RAB3C: variants seen among roughly 807,000 people sequenced by gnomAD.
RAB3C encodes the protein RAB3C, member RAS oncogene family.
Under a neutral mutation model 26.4 loss-of-function variants are expected in RAB3C, and 17 were observed. The ratio of observed to expected loss-of-function variants is 0.64; its 90% CI spans 0.44 to 0.97. RAB3C has a LOEUF of 0.97. RAB3C is among the 50% of genes least tolerant of loss of function. The probability of loss-of-function intolerance (pLI) is 0.00; values close to 1 mark genes in which losing one functional copy is unlikely to be tolerated. For missense variants in RAB3C, 242 were observed against 281.9 expected (o/e 0.86, Z 1.01); for synonymous variants, 91 against 95.9 (o/e 0.95, Z 0.30).
At chr5:58,605,405 C>G (rs114831205) in intron 1 of RAB3C, among the ~76,000 whole-genome samples, 10,005 of 152,206 alleles carry the variant, frequency 0.066, 443 homozygotes, top group South Asian at 0.13. Context: ...ATGTGAGGAG[C>G]TTGGAAGTCA....
chr5:58,681,863 A>G (rs369696632), intron 2 of RAB3C, among the ~76,000 whole-genome samples: 3 of 152,228 alleles, frequency 2.0e-5, no homozygotes, highest in African/African-American at 7.2e-5. Context: ...GATTAGGAAA[A>G]TAAGTTAATG....
intron 3 of RAB3C, among the ~76,000 whole-genome samples, chr5:58,730,194 A>G (rs2111927732): frequency 6.6e-6 from 1 of 152,010 alleles, no homozygotes; most frequent in Non-Finnish European, 1.5e-5. Context: ...ATTTGTAGGG[A>G]AAGACTATCT....
intron 3 of RAB3C, among the ~76,000 whole-genome samples, chr5:58,772,137 C>T (rs940290970): frequency 2.6e-5 from 4 of 152,120 alleles, no homozygotes; most frequent in Non-Finnish European, 5.9e-5. Flanking sequence ...ATATGAAATG[C>T]ATGGGCTAAT....
Position 58,627,515 on chromosome 5 carries a change from A to AAAAAAAAAAAAAAAAAAAAAAAC in RAB3C, c.252+9649_252+9650insAAAAAAAAAAAAAAAAAACAAAA, listed in dbSNP as rs1325212744. On this transcript the variant is annotated intron_variant, in intron 2 of 4. Transcript: ENST00000282878. ...AAAAAAAAAAAAAAAAAAAAAAAAAAAAAACACAGCTTAAATTCGGTGCAA... is the reference window on the plus strand; with the variant it reads ...AAAAAAAAAAAAAAAAAAAAAAAAAAAAAAAAAAAAAAAAAAAAAAAACAAAACACAGCTTAAATTCGGTGCAA... 1.5e-4 allele frequency among the ~76,000 whole-genome samples: 9 copies of AAAAAAAAAAAAAAAAAAAAAAAC among 60,558 alleles called. 2 individuals carry two copies. Among genetic ancestry groups the AAAAAAAAAAAAAAAAAAAAAAAC allele is most frequent in the Non-Finnish European group, 2.6e-4 (8 of 30,326 alleles). The allele number at this position is 60,558 out of a possible 152,430, so 39.7% of individuals were successfully genotyped here. A position where few individuals can be genotyped will look rare whatever the true frequency, so the allele number is the denominator to read the frequency against.
chr5:58,772,696 T>C (rs1271629604), intron 3 of RAB3C, among the ~76,000 whole-genome samples: 1 of 152,232 alleles, frequency 6.6e-6, no homozygotes, highest in African/African-American at 2.4e-5. Flanking sequence ...GAATTCTAAA[T>C]TTCTAACTAT....
chr5:58,658,162 T>C (rs934265067), intron 2 of RAB3C, among the ~76,000 whole-genome samples: 1 of 152,226 alleles, frequency 6.6e-6, no homozygotes, highest in African/African-American at 2.4e-5. Context: ...TCGGGTCATT[T>C]AATCCTCCCA....
At chr5:58,740,548 G>T (rs1020164979) in intron 3 of RAB3C, among the ~76,000 whole-genome samples, 6 of 152,162 alleles carry the variant, frequency 3.9e-5, no homozygotes, top group Non-Finnish European at 8.8e-5. Flanking sequence ...TTGGCCAGGC[G>T]TGGTGGCTCA....
chr5:58,713,994 C>A (rs756400183), intron 2 of RAB3C, among the ~76,000 whole-genome samples: 3 of 152,108 alleles, frequency 2.0e-5, no homozygotes, highest in Non-Finnish European at 4.4e-5. Flanking sequence ...ATTCCCCCAG[C>A]AGCACATGTA....
chr5:58,775,184 C>G (rs898900362), intron 3 of RAB3C, among the ~76,000 whole-genome samples: 3 of 152,086 alleles, frequency 2.0e-5, no homozygotes, highest in African/African-American at 7.2e-5. Context: ...TTTCACTCAT[C>G]GCCTCCATAC....
At chr5:58,742,157 C>T (rs568939122) in intron 3 of RAB3C, among the ~76,000 whole-genome samples, 177 of 152,266 alleles carry the variant, frequency 1.2e-3, no homozygotes, top group African/African-American at 4.1e-3. Flanking sequence ...TCTCCCCTGG[C>T]CCTCTCAATA....
chr5:58,629,997 T>C (rs1388526404), intron 2 of RAB3C, among the ~76,000 whole-genome samples: 1 of 152,182 alleles, frequency 6.6e-6, no homozygotes, highest in African/African-American at 2.4e-5. Flanking sequence ...AGGTTGTGGG[T>C]CAAAGTTCTG....
intron 2 of RAB3C, among the ~76,000 whole-genome samples, chr5:58,678,455 T>C (rs1172841598): frequency 1.3e-5 from 2 of 152,166 alleles, no homozygotes; most frequent in African/African-American, 4.8e-5. Flanking sequence ...AGTGAAGCTA[T>C]TTCATGGGAC....
At chr5:58,656,052 T>C (rs564805989) in intron 2 of RAB3C, among the ~76,000 whole-genome samples, 2 of 152,128 alleles carry the variant, frequency 1.3e-5, no homozygotes, top group Non-Finnish European at 2.9e-5. Flanking sequence ...CCCAAAGTGC[T>C]GGGATTACAA....
intron 3 of RAB3C, among the ~76,000 whole-genome samples, chr5:58,819,020 GA>G: frequency 6.6e-6 from 1 of 152,198 alleles, no homozygotes; most frequent in East Asian, 1.9e-4. Flanking sequence ...ACTCTTTAAT[GA>G]AAAAAATCCA....
At chr5:58,676,904 C>G (rs1748242282) in intron 2 of RAB3C, among the ~76,000 whole-genome samples, 1 of 152,028 alleles carries the variant, frequency 6.6e-6, no homozygotes, top group Non-Finnish European at 1.5e-5. Flanking sequence ...TGGCCTTTCC[C>G]ACTCTATTTT....
intron 4 of RAB3C, among the ~76,000 whole-genome samples, chr5:58,835,759 A>T (rs564722055): frequency 3.2e-4 from 48 of 152,378 alleles, no homozygotes; most frequent in Non-Finnish European, 5.6e-4. Context: ...AAGCATAAAT[A>T]GCAGTATTAC....
At chr5:58,604,176 C>A (rs1746512603) in intron 1 of RAB3C, among the ~76,000 whole-genome samples, 1 of 152,152 alleles carries the variant, frequency 6.6e-6, no homozygotes, top group African/African-American at 2.4e-5. Flanking sequence ...GTGGGTCTCT[C>A]AGGTGTGGAT....
chr5:58,683,526 C>A (rs1748387911), intron 2 of RAB3C, among the ~76,000 whole-genome samples: 1 of 152,118 alleles, frequency 6.6e-6, no homozygotes, highest in Non-Finnish European at 1.5e-5. Flanking sequence ...AACCGGGTAC[C>A]ACAAGCTTAA....
chr5:58,697,594 A>T (rs2111872224), intron 2 of RAB3C, among the ~76,000 whole-genome samples: 1 of 152,242 alleles, frequency 6.6e-6, no homozygotes, highest in Admixed American at 6.5e-5. Flanking sequence ...TTGCTTTATG[A>T]ATCTGGGTGC....
Sources: gnomAD v4.1 joint callset for allele counts (sites outside exome capture counted in the v4.1 genomes callset) on GRCh38, gnomAD v4.1.1 for gene constraint, MANE v1.5 for transcripts, NCBI Gene and HGNC (gene_info 2026-07-23, HGNC 2026-07-21) for gene names.